The following EIF4EBP2 variants were observed in gnomAD, a reference collection of about 807,000 sequenced individuals.
EIF4EBP2 encodes the protein eukaryotic translation initiation factor 4E-binding protein 2.
A neutral mutation model predicts 10.3 loss-of-function variants in EIF4EBP2; 5 were observed. The observed-to-expected ratio is 0.48, with a 90% CI of 0.25 to 1.02. EIF4EBP2 has a LOEUF of 1.02. Among genes scored for constraint, EIF4EBP2 ranks in the 50% least tolerant of loss-of-function variants. The pLI is 0.15. For synonymous variants in EIF4EBP2, 67 were observed against 61.1 expected (o/e 1.10, Z -0.45); for missense variants, 188 against 162.2 (o/e 1.16, Z -0.86).
chr10:70,404,274 G>C lies in EIF4EBP2; in HGVS notation c.-128G>C. 1 of 1,229,610 alleles carries C rather than the reference G, an allele frequency of 8.1e-7. No individual in the cohort carries two copies. The highest frequency in any genetic ancestry group is 1.1e-6 in the Non-Finnish European group (1 of 941,932). 76.2% of individuals were successfully genotyped at this position (1,229,610 alleles called of 1,614,324 possible). A position where few individuals can be genotyped will look rare whatever the true frequency, so the allele number is the denominator to read the frequency against. ...GGCGGCGGGAGCGGAGCGGGACGAG[G>C]GAACGGGAGGAAGCGAGCGAGGAGC... On this transcript the variant is annotated 5_prime_UTR_variant, in exon 1 of 3. Transcript: ENST00000373218.
intron 1 of EIF4EBP2, among the ~76,000 whole-genome samples, chr10:70,415,848 T>G (rs1314680976): frequency 6.7e-6 from 1 of 150,300 alleles, no homozygotes; most frequent in African/African-American, 2.5e-5. Context: ...TGGCCTGAGA[T>G]ATGACTCCAA....
Position 70,411,153 on chromosome 10 carries a change from C to T in EIF4EBP2, c.145+6607C>T, listed in dbSNP as rs569482559. 1.1e-4 allele frequency among the ~76,000 whole-genome samples: 16 copies of T among 152,292 alleles called. No individual in the cohort carries two copies. In the South Asian group the frequency reaches 3.3e-3, roughly 32 times the overall value. ...TATTCACCTTGTTTTGCAACCATCA[C>T]CACCATCCATCTTCAGAACGTTTTT... On this transcript the variant is annotated intron_variant, in intron 1 of 2. Transcript: ENST00000373218.
chr10:70,421,624 C>T, intron 2 of EIF4EBP2, 92 bp from the exon 3 acceptor site: 1 of 1,161,762 alleles, frequency 8.6e-7, no homozygotes, highest in Non-Finnish European at 1.3e-6. Context: ...ATTTGAATTA[C>T]TTTTTGTCTC....
At chr10:70,420,461 A>G (rs10999325) in intron 2 of EIF4EBP2, among the ~76,000 whole-genome samples, 34,869 of 152,104 alleles carry the variant, frequency 0.23, 4,303 homozygotes, top group Non-Finnish European at 0.27. Context: ...TCAGCCTCCC[A>G]AAGTGCTAGG....
At chr10:70,406,990 T>C (rs1412396227) in intron 1 of EIF4EBP2, among the ~76,000 whole-genome samples, 2 of 152,186 alleles carry the variant, frequency 1.3e-5, no homozygotes, top group Non-Finnish European at 2.9e-5. Context: ...CTCTGCCTCC[T>C]GGGTTCACGC....
At chr10:70,415,583 G>A (rs1311856316) in intron 1 of EIF4EBP2, among the ~76,000 whole-genome samples, 2 of 152,196 alleles carry the variant, frequency 1.3e-5, no homozygotes, top group African/African-American at 4.8e-5. Flanking sequence ...TATACATATA[G>A]ATCAATGGAA....
Position 70,404,495 on chromosome 10 carries a change from C to A in EIF4EBP2, c.94C>A (p.His32Asn). ...CATCAGCGACGCCGCGCAGCTACCTCATGACTATTGCACCACGCCCGGGGG... is the reference window on the plus strand; with the variant it reads ...CATCAGCGACGCCGCGCAGCTACCTAATGACTATTGCACCACGCCCGGGGG... ...VAISDAAQLP[H>N]DYCTTPGGTL... Residue 32 changes from histidine to asparagine, a missense_variant, in exon 1 of 3, where the codon CAT becomes AAT. By Grantham distance (68) the His-to-Asn change is moderately conservative. Coordinates refer to ENST00000373218, the MANE Select transcript of EIF4EBP2 (RefSeq NM_004096.5). The A allele has an allele frequency of 6.3e-7, 1 of 1,599,656 alleles. No homozygotes were observed. Among genetic ancestry groups the A allele is most frequent in the East Asian group, 2.3e-5 (1 of 43,258 alleles).
At chr10:70,420,704 T>G (rs1001364140) in intron 2 of EIF4EBP2, among the ~76,000 whole-genome samples, 1 of 152,230 alleles carries the variant, frequency 6.6e-6, no homozygotes, top group African/African-American at 2.4e-5. Context: ...TGGCCTAGGC[T>G]TCATTGGACT....
intron 1 of EIF4EBP2, among the ~76,000 whole-genome samples, chr10:70,419,090 T>TA (rs1845128301): frequency 6.6e-6 from 1 of 152,232 alleles, no homozygotes; most frequent in African/African-American, 2.4e-5. Flanking sequence ...CTGTTGGAAT[T>TA]ACAGGCATGA....
chr10:70,405,255 G>C (rs977398555), intron 1 of EIF4EBP2, among the ~76,000 whole-genome samples: 4 of 152,214 alleles, frequency 2.6e-5, no homozygotes, highest in African/African-American at 9.6e-5. Flanking sequence ...TTTGGAAATG[G>C]ATTGAAGGAC....
rs1440497378 is a variant in EIF4EBP2 at position 70,424,897 on chromosome 10, T to G, written c.*3150T>G. The G allele has an allele frequency of 2.0e-5, 3 of 152,058 alleles. No homozygotes were observed. The highest frequency in any genetic ancestry group is 1.3e-4 in the Admixed American group (2 of 15,278). The allele number at this position is 152,058 out of a possible 1,614,324, so 9.4% of individuals were successfully genotyped here. ...AGGTATTGGGCTTCCAAGCCAAGAG[T>G]TTTGTCCTTCCACCTGTATTAGTTA... On this transcript the variant is annotated 3_prime_UTR_variant, in exon 3 of 3. Transcript: ENST00000373218.
At chr10:70,408,867 T>C (rs7099273) in intron 1 of EIF4EBP2, among the ~76,000 whole-genome samples, 187 of 152,304 alleles carry the variant, frequency 1.2e-3, no homozygotes, top group African/African-American at 4.3e-3. Flanking sequence ...CTTGAAAACA[T>C]TTAGAAAAAT....
intron 1 of EIF4EBP2, among the ~76,000 whole-genome samples, chr10:70,405,868 A>G (rs1243162862): frequency 6.6e-6 from 1 of 152,192 alleles, no homozygotes; most frequent in Non-Finnish European, 1.5e-5. Flanking sequence ...GCAGAAGTTC[A>G]GTAATATATA....
At chr10:70,404,582 C>G in intron 1 of EIF4EBP2, 36 bp downstream of exon 1, 1 of 1,514,764 alleles carries the variant, frequency 6.6e-7, no homozygotes, top group Non-Finnish European at 8.8e-7. Flanking sequence ...CGCCCGGTGT[C>G]CCGCCGCGGT....
intron 1 of EIF4EBP2, among the ~76,000 whole-genome samples, chr10:70,411,616 G>T (rs1453460460): frequency 6.6e-6 from 1 of 151,986 alleles, no homozygotes; most frequent in East Asian, 1.9e-4. Flanking sequence ...CACCAAGCAC[G>T]GCTAATTTTT....
intron 1 of EIF4EBP2, among the ~76,000 whole-genome samples, chr10:70,407,405 A>G (rs572958815): frequency 1.3e-5 from 2 of 152,136 alleles, no homozygotes; most frequent in East Asian, 3.9e-4. Context: ...GACACAGCAC[A>G]TGTTTCAGAG....
intron 1 of EIF4EBP2, among the ~76,000 whole-genome samples, chr10:70,411,992 C>G (rs997652384): frequency 1.3e-5 from 2 of 152,166 alleles, no homozygotes; most frequent in Non-Finnish European, 2.9e-5. Flanking sequence ...CCTCTTCTTG[C>G]TTGCTGCCAG....
At position 70,419,896 on chromosome 10, in the gene EIF4EBP2, T is replaced by G. The variant is rs761884996; in HGVS notation, c.146-18T>G. The G allele has an allele frequency of 1.3e-5, 20 of 1,551,716 alleles. No individual in the cohort carries two copies. The highest frequency in any genetic ancestry group is 1.6e-5 in the Non-Finnish European group (19 of 1,151,522). On this transcript the variant is annotated intron_variant, in intron 1 of 2. Coordinates refer to ENST00000373218, the MANE Select transcript of EIF4EBP2 (RefSeq NM_004096.5). ...ACCCCTTAAATTGTTTCAAACTCTT[T>G]TTAACCCTGTTTTCCAGGAACTCGA...
In EIF4EBP2 at chr10:70,421,070, C is replaced by G. The variant is rs550833876; in HGVS notation, c.332-646C>G. The stretch of plus-strand genomic sequence containing the variant: ...TCAGCCTCCCAAAGTGCTGAGATTA[C>G]AGGTGTGAGCCACTGCGCCTGGCCG... On this transcript the variant is annotated intron_variant, in intron 2 of 2. Transcript: ENST00000373218. Among the ~76,000 whole-genome samples, 36 of 152,342 alleles carry G rather than the reference C, an allele frequency of 2.4e-4. 1 individual carries two copies. Among genetic ancestry groups the G allele is most frequent in the African/African-American group, 7.9e-4 (33 of 41,584 alleles).
Sources: gnomAD v4.1 joint callset for allele counts (sites outside exome capture counted in the v4.1 genomes callset) on GRCh38, gnomAD v4.1.1 for gene constraint, MANE v1.5 for transcripts, NCBI Gene and HGNC (gene_info 2026-07-23, HGNC 2026-07-21) for gene names.